Variants in PAXIP1 observed in about 807,000 individuals in gnomAD.
The protein encoded by PAXIP1 is PAX-interacting protein 1.
In PAXIP1, 19 loss-of-function variants were observed where a neutral mutation model predicts 140.6. The ratio of observed to expected loss-of-function variants is 0.14; its 90% confidence interval spans 0.09 to 0.20. The LOEUF (loss-of-function observed/expected upper bound fraction) is 0.20. PAXIP1 is among the 10% of genes least tolerant of loss of function. The pLI, the probability that PAXIP1 is intolerant of heterozygous loss-of-function variation, is 1.00. For synonymous variants in PAXIP1, 442 were observed against 444.6 expected (o/e 0.99, Z 0.07); for missense variants, 920 against 1,208.6 (o/e 0.76, Z 3.54).
At chr7:154,952,236 C>T (rs1222839882) in intron 16 of PAXIP1, 2 of 152,128 alleles carry the variant, frequency 1.3e-5, no homozygotes, top group Non-Finnish European at 2.9e-5. Flanking sequence ...TGCTAATTTT[C>T]CTCCCCTCTG....
chr7:155,002,851 G>A lies in PAXIP1; in HGVS notation c.79C>T (p.Gln27Ter). ...CGCGGCAGGGGCGGGCGCGGTACCT[G>A]CGGGTCGATGTCGCCCACCGCGTAA... is the stretch of plus-strand genomic sequence containing the variant. ...KYYAVGDIDP[Q>*]VIQLLKAGKA... Residue 27 changes from glutamine to a stop codon, truncating the protein, a stop_gained and splice_region_variant, in exon 1 of 21, where the codon CAG becomes TAG. Transcript: ENST00000404141. LOFTEE classifies it high-confidence loss of function. The A allele has an allele frequency of 7.2e-7, 1 of 1,393,040 alleles. No individual in the cohort carries two copies. Among genetic ancestry groups the A allele is most frequent in the Middle Eastern group, 2.1e-4 (1 of 4,664 alleles). The allele number at this position is 1,393,040 out of a possible 1,614,324, so 86.3% of individuals were successfully genotyped here.
intron 5 of PAXIP1, 99 bp from the exon 6 acceptor site, chr7:154,976,430 T>C: frequency 2.1e-6 from 3 of 1,450,708 alleles, no homozygotes; most frequent in Non-Finnish European, 1.8e-6. Context: ...AGGAATGCAG[T>C]TGAAATGTTG....
chr7:154,967,621 C>G, intron 8 of PAXIP1, 195 bp downstream of exon 8: 1 of 550,036 alleles, frequency 1.8e-6, no homozygotes, highest in South Asian at 2.5e-5. Context: ...CCATCTTCAT[C>G]TAACAGCTGA....
In PAXIP1 at chr7:154,981,760, G is replaced by C. The variant is rs188950383; in HGVS notation, c.438+1459C>G. ...TAAAGTATTTATATATAGACCTTAT[G>C]ACTTAGATTTGTTTTTCCTTCCAAA... On this transcript the variant is annotated intron_variant, in intron 5 of 20. Coordinates refer to ENST00000404141, the MANE Select transcript of PAXIP1 (RefSeq NM_007349.4). 2.7e-4 allele frequency among the ~76,000 whole-genome samples: 41 copies of C among 152,082 alleles called. 1 individual carries two copies. The highest frequency in any genetic ancestry group is 9.7e-4 in the African/African-American group (40 of 41,424).
chr7:154,950,273 A>C (rs949663139), intron 16 of PAXIP1: 5 of 151,896 alleles, frequency 3.3e-5, no homozygotes, highest in African/African-American at 1.2e-4. Flanking sequence ...CTTTTAAAAA[A>C]AACTGACCCA....
rs1453025986 is a variant in PAXIP1 at position 154,954,788 on chromosome 7, G to C, written c.2653-365C>G. On this transcript the variant is annotated intron_variant, in intron 15 of 20. Coordinates refer to ENST00000404141, the MANE Select transcript of PAXIP1 (RefSeq NM_007349.4). The surrounding 1 kb of genome is among the most constrained non-coding windows in gnomAD (Gnocchi z 5.1). ...CTAGGCCAAAACTGGTGTTAATGAA[G>C]AACATTTACCTGCTATCTTCATTTT... is the stretch of plus-strand genomic sequence containing the variant. Among the ~76,000 whole-genome samples the C allele has an allele frequency of 6.6e-6, 1 of 152,098 alleles. No individual in the cohort carries two copies. The highest frequency in any genetic ancestry group is 1.5e-5 in the Non-Finnish European group (1 of 68,006).
intron 16 of PAXIP1, chr7:154,950,416 AG>A (rs1241857804): frequency 3.3e-5 from 5 of 152,236 alleles, no homozygotes; most frequent in African/African-American, 1.2e-4. Context: ...AATCCATGAA[AG>A]AAATAAGAAG....
At position 154,946,766 on chromosome 7, in the gene PAXIP1, A is replaced by T; in HGVS notation, c.2970T>A (p.Thr990=). The stretch of plus-strand genomic sequence containing the variant: ...CTGCACACTCTACGATTGCCTTCAT[A>T]GTGGAAAGACTTGGGCAGATTCCAG... ...ITPGICPSLS[T]MKAIVECAGG... The change falls in exon 18 of 21, where the codon ACT becomes ACA. Residue 990 remains threonine (T), a synonymous_variant. Transcript: ENST00000404141. The surrounding 1 kb of genome is among the most constrained non-coding windows in gnomAD (Gnocchi z 4.9). 1.2e-6 allele frequency: 2 copies of T among 1,612,174 alleles called. No individual in the cohort carries two copies. The highest frequency in any genetic ancestry group is 1.7e-6 in the Non-Finnish European group (2 of 1,178,848).
rs971766206 is a variant in PAXIP1 at position 154,968,741 on chromosome 7, T to C, written c.1460A>G (p.Gln487Arg). ...PPQQLHRPQQ[Q>R]LQPFQQQHAL... ...ATGCTGCTGCTGAAAGGGCTGGAGC[T>C]GCTGCTGAGGGCGATGCAGCTGCTG... Residue 487 changes from glutamine to arginine, a missense_variant, in exon 7 of 21, where the codon CAG (glutamine) becomes CGG (arginine). This residue lies in a region of PAXIP1 where 133 missense variants were observed against 88.4 expected (regional missense o/e 1.50). Coordinates refer to ENST00000404141, the MANE Select transcript of PAXIP1 (RefSeq NM_007349.4). 1.3e-5 allele frequency: 9 copies of C among 718,772 alleles called. No homozygotes were observed. In the African/African-American group the frequency reaches 1.4e-4, roughly 11 times the overall value. The allele number at this position is 718,772 out of a possible 1,614,324, so 44.5% of individuals were successfully genotyped here.
intron 1 of PAXIP1, 26 bp from the exon 2 acceptor site, chr7:154,998,810 A>G (rs768046530): frequency 1.3e-6 from 2 of 1,595,386 alleles, no homozygotes; most frequent in Non-Finnish European, 1.7e-6. Context: ...ATCCACACAA[A>G]TTAAAATGGG....
intron 2 of PAXIP1, among the ~76,000 whole-genome samples, chr7:154,995,587 T>G (rs61632801): frequency 6.6e-6 from 1 of 152,236 alleles, no homozygotes; most frequent in Non-Finnish European, 1.5e-5. Flanking sequence ...CGATGGCTCA[T>G]GCCTGTAATC....
chr7:154,966,952 C>G (rs1162047615), intron 8 of PAXIP1, among the ~76,000 whole-genome samples: 1 of 152,162 alleles, frequency 6.6e-6, no homozygotes, highest in Non-Finnish European at 1.5e-5. Context: ...CTGTGCTGCA[C>G]TATTTGGAAA....
chr7:154,946,177 TAAGAG>T lies in PAXIP1; in HGVS notation c.3194+183_3194+187del. 5.1e-6 allele frequency: 5 copies of T among 982,070 alleles called. No individual in the cohort carries two copies. Among genetic ancestry groups the T allele is most frequent in the Non-Finnish European group, 6.0e-6 (5 of 826,846 alleles). 60.8% of individuals were successfully genotyped at this position (982,070 alleles called of 1,614,324 possible). On this transcript the variant is annotated intron_variant, in intron 20 of 20. Coordinates refer to ENST00000404141, the MANE Select transcript of PAXIP1 (RefSeq NM_007349.4). The surrounding 1 kb of genome is among the most constrained non-coding windows in gnomAD (Gnocchi z 4.9). ...TATTAAAACTGAACTCTCAGTAAGT[TAAGAG>T]AATATTTTTACTAGCAACTCAAATG...
chr7:154,992,935 C>A (rs1019289928), intron 3 of PAXIP1, among the ~76,000 whole-genome samples: 1 of 152,190 alleles, frequency 6.6e-6, no homozygotes, highest in African/African-American at 2.4e-5. Flanking sequence ...TTCAAGAGAA[C>A]TGCCTGGCAT....
intron 13 of PAXIP1, 22 bp downstream of exon 13, chr7:154,959,868 T>C (rs779051979): frequency 6.6e-7 from 1 of 1,523,768 alleles, no homozygotes; most frequent in South Asian, 1.1e-5. Context: ...ATAGCCAAGG[T>C]AAGGTTATTA....
chr7:154,971,222 G>A (rs551875715), intron 6 of PAXIP1, among the ~76,000 whole-genome samples: 41 of 152,286 alleles, frequency 2.7e-4, no homozygotes, highest in African/African-American at 8.9e-4. Context: ...TTTCTACTAC[G>A]GGCTTGAGTT....
chr7:154,977,980 C>T (rs1339275461), intron 5 of PAXIP1, among the ~76,000 whole-genome samples: 5 of 148,662 alleles, frequency 3.4e-5, no homozygotes, highest in Non-Finnish European at 5.9e-5. Context: ...CATTTTCGAA[C>T]GCAGACCAAA....
intron 13 of PAXIP1, 52 bp from the exon 14 acceptor site, chr7:154,957,346 A>T (rs1013286240): frequency 1.1e-6 from 1 of 927,180 alleles, no homozygotes; most frequent in African/African-American, 1.7e-5. Context: ...TAAGTAATAC[A>T]GTAGCTTCCA....
chr7:154,945,722 C>T, intron 20 of PAXIP1: 5 of 985,370 alleles, frequency 5.1e-6, no homozygotes, highest in Non-Finnish European at 6.0e-6. Flanking sequence ...ACAGAATTTT[C>T]CCATAAGGAC....
Sources: allele counts gnomAD v4.1 joint callset (sites outside exome capture counted in the v4.1 genomes callset), GRCh38; gene constraint gnomAD v4.1.1; regional missense constraint gnomAD v4.1.1; non-coding constraint Gnocchi (gnomAD v3.1); transcripts MANE v1.5; gene names NCBI Gene and HGNC (gene_info 2026-07-23, HGNC 2026-07-21).